The following OR5H1 variants were observed in gnomAD, a reference collection of about 807,000 sequenced individuals.
OR5H1 encodes olfactory receptor family 5 subfamily H member 1.
For synonymous variants in OR5H1, 124 were observed against 134.4 expected (o/e 0.92, Z 0.54); for missense variants, 378 against 366.8 (o/e 1.03, Z -0.25).
Position 98,137,882 on chromosome 3 carries a change from A to G in OR5H1, c.*4243A>G, listed in dbSNP as rs1174763229. The G allele has an allele frequency of 6.6e-6, 1 of 152,206 alleles. No homozygotes were observed. The highest frequency in any genetic ancestry group is 1.5e-5 in the Non-Finnish European group (1 of 68,042). 9.4% of individuals were successfully genotyped at this position (152,206 alleles called of 1,614,324 possible). A position where few individuals can be genotyped will look rare whatever the true frequency, so the allele number is the denominator to read the frequency against. On this transcript the variant is annotated 3_prime_UTR_variant, in exon 2 of 2. Coordinates refer to ENST00000641874, the MANE Select transcript of OR5H1 (RefSeq NM_001005338.2). The stretch of plus-strand genomic sequence containing the variant: ...ATAAACGTATATTGTACTTACATCT[A>G]TTTAATTCACTTATTCTGAATTGTT...
rs528177780 is a variant in OR5H1 at position 98,134,202 on chromosome 3, A to T, written c.*563A>T. The T allele has an allele frequency of 6.4e-6, 1 of 157,392 alleles. No homozygotes were observed. The highest frequency in any genetic ancestry group is 1.9e-4 in the East Asian group (1 of 5,314). 9.7% of individuals were successfully genotyped at this position (157,392 alleles called of 1,614,324 possible). The stretch of plus-strand genomic sequence containing the variant: ...AATAGAAGGAATGAACAGTGAAGGC[A>T]CTGCCATAGTGTAAGAGCATGCTCT... On this transcript the variant is annotated 3_prime_UTR_variant, in exon 2 of 2. Transcript: ENST00000641874.
chr3:98,136,728 G>A lies in OR5H1; in HGVS notation c.*3089G>A, dbSNP rs1174661965. ...GTTCTTACTGTCTTAGTTCCCATGA[G>A]GGCTGGTTGATAAAAGAGCCCAGCA... On this transcript the variant is annotated 3_prime_UTR_variant, in exon 2 of 2. Transcript: ENST00000641874. 1 of 152,032 alleles carries A rather than the reference G, an allele frequency of 6.6e-6. No homozygotes were observed. The highest frequency in any genetic ancestry group is 1.5e-5 in the Non-Finnish European group (1 of 68,016). The allele number at this position is 152,032 out of a possible 1,614,324, so 9.4% of individuals were successfully genotyped here. A position where few individuals can be genotyped will look rare whatever the true frequency, so the allele number is the denominator to read the frequency against.
rs1415023608 is a variant in OR5H1, at chr3:98,133,500, A to G, written c.803A>G (p.Asp268Gly). 3 of 1,613,560 alleles carry G rather than the reference A, an allele frequency of 1.9e-6. No individual in the cohort carries two copies. Among genetic ancestry groups the G allele is most frequent in the Admixed American group, 3.3e-5 (2 of 59,972 alleles). The change falls in exon 2 of 2, where the codon GAT (aspartate) becomes GGT (glycine). Residue 268 changes from aspartate (D) to glycine (G), a missense_variant. Physicochemically the swap from Asp to Gly is moderately conservative, Grantham distance 94 (BLOSUM62 -1). Transcript: ENST00000641874. ...IYVGPASPQA[D>G]DQDMVEPLFY... ...GTGGGCCCTGCATCTCCGCAAGCAG[A>G]TGATCAAGATATGGTGGAGCCTCTA...
rs1708340313 is a variant in OR5H1, at chr3:98,138,077, G to C, written c.*4438G>C. ...GAAGGGAGTGGCTTTAATCAGATGG[G>C]AGCATCGATAGGCTAGCGTCTTAAA... On this transcript the variant is annotated 3_prime_UTR_variant, in exon 2 of 2. Coordinates refer to ENST00000641874, the MANE Select transcript of OR5H1 (RefSeq NM_001005338.2). 1.3e-5 allele frequency: 2 copies of C among 152,016 alleles called. No individual in the cohort carries two copies. The highest frequency in any genetic ancestry group is 6.6e-5 in the Admixed American group (1 of 15,250). The allele number at this position is 152,016 out of a possible 1,614,324, so 9.4% of individuals were successfully genotyped here. A position where few individuals can be genotyped will look rare whatever the true frequency, so the allele number is the denominator to read the frequency against.
At chr3:98,131,150 T>C (rs942477842) in intron 1 of OR5H1, among the ~76,000 whole-genome samples, 4 of 152,102 alleles carry the variant, frequency 2.6e-5, no homozygotes, top group Non-Finnish European at 4.4e-5. Context: ...ATAATAATGA[T>C]TCTTAGAATT....
At position 98,133,149 on chromosome 3, in the gene OR5H1, G is replaced by A. The variant is rs1461080040; in HGVS notation, c.452G>A (p.Gly151Asp). 1 of 1,613,074 alleles carries A rather than the reference G, an allele frequency of 6.2e-7. No homozygotes were observed. The change falls in exon 2 of 2, where the codon GGT becomes GAT. Residue 151 changes from glycine (G) to aspartate (D), a missense_variant. Physicochemically the swap from Gly to Asp is moderately conservative, Grantham distance 94 (BLOSUM62 -1). Coordinates refer to ENST00000641874, the MANE Select transcript of OR5H1 (RefSeq NM_001005338.2). ...CIRLLILSYV[G>D]GILHALIHEG... ...CGGCTATTAATCTTGTCATATGTAG[G>A]TGGTATTCTTCATGCTTTAATCCAT... is the stretch of plus-strand genomic sequence containing the variant.
chr3:98,130,971 G>A (rs1031452974), intron 1 of OR5H1, 121 bp downstream of exon 1: 4 of 151,940 alleles, frequency 2.6e-5, no homozygotes, highest in Non-Finnish European at 4.4e-5. Flanking sequence ...TCAGAAACTG[G>A]ATGACTCTGA....
Position 98,137,914 on chromosome 3 carries a change from ACTC to A in OR5H1, c.*4276_*4278del, listed in dbSNP as rs1708338032. On this transcript the variant is annotated 3_prime_UTR_variant, in exon 2 of 2. Coordinates refer to ENST00000641874, the MANE Select transcript of OR5H1 (RefSeq NM_001005338.2). ...TCACTTATTCTGAATTGTTTGGTTTACTCATGAAAATTTCATAAGACATTAGAC... is the reference window on the plus strand; with the variant it reads ...TCACTTATTCTGAATTGTTTGGTTTAATGAAAATTTCATAAGACATTAGAC... 1 of 152,222 alleles carries A rather than the reference ACTC, an allele frequency of 6.6e-6. No homozygotes were observed. Among genetic ancestry groups the A allele is most frequent in the South Asian group, 2.1e-4 (1 of 4,822 alleles). 9.4% of individuals were successfully genotyped at this position (152,222 alleles called of 1,614,324 possible).
rs1342593348 is a variant in OR5H1, at chr3:98,134,039, G to T, written c.*400G>T. On this transcript the variant is annotated 3_prime_UTR_variant, in exon 2 of 2. Transcript: ENST00000641874. ...AACTGAGGCAGATTTGTTTTTGAGTGAACAGAGGTAAGTCCCAATGATTCT... is the reference window on the plus strand; with the variant it reads ...AACTGAGGCAGATTTGTTTTTGAGTTAACAGAGGTAAGTCCCAATGATTCT... 6.0e-6 allele frequency: 1 copy of T among 167,466 alleles called. No individual in the cohort carries two copies. Among genetic ancestry groups the T allele is most frequent in the Non-Finnish European group, 1.3e-5 (1 of 77,136 alleles). 10.4% of individuals were successfully genotyped at this position (167,466 alleles called of 1,614,324 possible).
chr3:98,135,793 G>T lies in OR5H1; in HGVS notation c.*2154G>T, dbSNP rs560977257. ...CAAATGAAAATAATAAAAGGTTAAT[G>T]GTTAAAACTACCTATAAGCTTAGCA... On this transcript the variant is annotated 3_prime_UTR_variant, in exon 2 of 2. Transcript: ENST00000641874. The T allele has an allele frequency of 6.6e-6, 1 of 152,304 alleles. No individual in the cohort carries two copies. Among genetic ancestry groups the T allele is most frequent in the African/African-American group, 2.4e-5 (1 of 41,562 alleles). 9.4% of individuals were successfully genotyped at this position (152,304 alleles called of 1,614,324 possible). A position where few individuals can be genotyped will look rare whatever the true frequency, so the allele number is the denominator to read the frequency against.
Position 98,136,177 on chromosome 3 carries a change from A to G in OR5H1, c.*2538A>G, listed in dbSNP as rs998251223. The G allele has an allele frequency of 6.6e-6, 1 of 152,182 alleles. No homozygotes were observed. Among genetic ancestry groups the G allele is most frequent in the Non-Finnish European group, 1.5e-5 (1 of 68,026 alleles). 9.4% of individuals were successfully genotyped at this position (152,182 alleles called of 1,614,324 possible). ...TGATTTTTCCCTCCATAATCAGGCC[A>G]TTTCTTTCAAATGTAATTATAGTAA... is the stretch of plus-strand genomic sequence containing the variant. On this transcript the variant is annotated 3_prime_UTR_variant, in exon 2 of 2. Transcript: ENST00000641874.
chr3:98,133,733 C>T lies in OR5H1; in HGVS notation c.*94C>T. ...TGTTCAAACATTTTTGCAAGTACAA[C>T]TGTTCTAGCACTTTAGTGAGCTAAT... is the stretch of plus-strand genomic sequence containing the variant. On this transcript the variant is annotated 3_prime_UTR_variant, in exon 2 of 2. Transcript: ENST00000641874. 1.0e-6 allele frequency: 1 copy of T among 963,194 alleles called. No individual in the cohort carries two copies. The highest frequency in any genetic ancestry group is 1.6e-6 in the Non-Finnish European group (1 of 627,166). The allele number at this position is 963,194 out of a possible 1,614,324, so 59.7% of individuals were successfully genotyped here.
At position 98,135,103 on chromosome 3, in the gene OR5H1, G is replaced by C. The variant is rs2107309199; in HGVS notation, c.*1464G>C. On this transcript the variant is annotated 3_prime_UTR_variant, in exon 2 of 2. Coordinates refer to ENST00000641874, the MANE Select transcript of OR5H1 (RefSeq NM_001005338.2). ...GCATTAGAATTTAGAGTTTATCTGA[G>C]GAGACTCGATTTATTTTGCAACACC... 1 of 152,196 alleles carries C rather than the reference G, an allele frequency of 6.6e-6. No homozygotes were observed. Among genetic ancestry groups the C allele is most frequent in the Middle Eastern group, 3.4e-3 (1 of 294 alleles). The allele number at this position is 152,196 out of a possible 1,614,324, so 9.4% of individuals were successfully genotyped here. A position where few individuals can be genotyped will look rare whatever the true frequency, so the allele number is the denominator to read the frequency against.
chr3:98,132,019 G>A lies in OR5H1; in HGVS notation c.-18-661G>A, dbSNP rs144298268. ...CATTTAACATGCATTTGAATCCCCC[G>A]GAGGGTATTTTCAAAATGCAGATCC... On this transcript the variant is annotated intron_variant, in intron 1 of 1. Transcript: ENST00000641874. Among the ~76,000 whole-genome samples the A allele has an allele frequency of 9.6e-3, 1,458 of 151,842 alleles. 23 individuals are homozygous for A. The highest frequency in any genetic ancestry group is 0.034 in the African/African-American group (1,399 of 41,444).
At position 98,137,229 on chromosome 3, in the gene OR5H1, A is replaced by G. The variant is rs1157830432; in HGVS notation, c.*3590A>G. 1 of 152,210 alleles carries G rather than the reference A, an allele frequency of 6.6e-6. No homozygotes were observed. Among genetic ancestry groups the G allele is most frequent in the Non-Finnish European group, 1.5e-5 (1 of 68,022 alleles). The allele number at this position is 152,210 out of a possible 1,614,324, so 9.4% of individuals were successfully genotyped here. Reference sequence around the variant, plus strand: ...CAGCTAAGGAGAAGAAGGTAAACGTATTAATTCTGTTTACAAAAGGTATAC... The same window carrying G: ...CAGCTAAGGAGAAGAAGGTAAACGTGTTAATTCTGTTTACAAAAGGTATAC... On this transcript the variant is annotated 3_prime_UTR_variant, in exon 2 of 2. Coordinates refer to ENST00000641874, the MANE Select transcript of OR5H1 (RefSeq NM_001005338.2).
At position 98,133,900 on chromosome 3, in the gene OR5H1, G is replaced by A. The variant is rs1708288428; in HGVS notation, c.*261G>A. On this transcript the variant is annotated 3_prime_UTR_variant, in exon 2 of 2. Transcript: ENST00000641874. ...AACAGTTGTATATGTTATTCAATGT[G>A]CATTTATAAATGCATTAATTGCTAA... 4 of 322,238 alleles carry A rather than the reference G, an allele frequency of 1.2e-5. No individual in the cohort carries two copies. Among genetic ancestry groups the A allele is most frequent in the East Asian group, 1.3e-4 (2 of 15,740 alleles). The allele number at this position is 322,238 out of a possible 1,614,324, so 20.0% of individuals were successfully genotyped here. A position where few individuals can be genotyped will look rare whatever the true frequency, so the allele number is the denominator to read the frequency against.
At chr3:98,131,782 T>A (rs1479929525) in intron 1 of OR5H1, among the ~76,000 whole-genome samples, 1 of 152,042 alleles carries the variant, frequency 6.6e-6, no homozygotes. Context: ...GTTGTCCAGA[T>A]GATGCTCACT....
At position 98,136,088 on chromosome 3, in the gene OR5H1, C is replaced by T. The variant is rs935610202; in HGVS notation, c.*2449C>T. On this transcript the variant is annotated 3_prime_UTR_variant, in exon 2 of 2. Transcript: ENST00000641874. ...GACAGTTTCTAAGTAGATAATAAAACATCAAAGACAATGGACAGAACTGGA... is the reference window on the plus strand; with the variant it reads ...GACAGTTTCTAAGTAGATAATAAAATATCAAAGACAATGGACAGAACTGGA... The T allele has an allele frequency of 2.0e-5, 3 of 152,162 alleles. No homozygotes were observed. Among genetic ancestry groups the T allele is most frequent in the Non-Finnish European group, 4.4e-5 (3 of 68,020 alleles). The allele number at this position is 152,162 out of a possible 1,614,324, so 9.4% of individuals were successfully genotyped here.
intron 1 of OR5H1, among the ~76,000 whole-genome samples, chr3:98,132,371 T>C (rs1448954608): frequency 6.6e-6 from 1 of 152,102 alleles, no homozygotes; most frequent in African/African-American, 2.4e-5. Flanking sequence ...AAATCTTTCC[T>C]GTTGACATTG....
Sources: gnomAD v4.1 joint callset for allele counts (sites outside exome capture counted in the v4.1 genomes callset) on GRCh38, gnomAD v4.1.1 for gene constraint, MANE v1.5 for transcripts, NCBI Gene and HGNC (gene_info 2026-07-23, HGNC 2026-07-21) for gene names.